The following NSD1 variants were observed in gnomAD, a reference collection of about 807,000 sequenced individuals.
NSD1 encodes the protein nuclear receptor binding SET domain protein 1.
In NSD1, 26 loss-of-function variants were observed where a neutral mutation model predicts 242.7. That is an observed-to-expected ratio of 0.11 (90% CI 0.08 to 0.15). The LOEUF (loss-of-function observed/expected upper bound fraction) is 0.15, where lower values mean the gene tolerates loss of function less well. Among genes scored for constraint, NSD1 ranks in the 10% least tolerant of loss-of-function variants. The pLI is 1.00. For missense variants in NSD1, 2,495 were observed against 3,272.8 expected, an observed-to-expected ratio of 0.76 and a Z score of 5.80; for synonymous variants, 1,106 against 1,178.1, an observed-to-expected ratio of 0.94 and a Z score of 1.25.
chr5:177,253,562 A>C (rs560223382), intron 12 of NSD1, among the ~76,000 whole-genome samples: 1 of 152,074 alleles, frequency 6.6e-6, no homozygotes, highest in Non-Finnish European at 1.5e-5. Flanking sequence ...GGTTATTATA[A>C]ATAAAGCTGC....
At chr5:177,291,856 C>A in intron 21 of NSD1, 98 bp from the exon 22 acceptor site, 1 of 1,112,540 alleles carries the variant, frequency 9.0e-7, no homozygotes, top group Non-Finnish European at 1.3e-6. Flanking sequence ...ATCTCTTTTC[C>A]CAGAGAAGAG....
intron 17 of NSD1, among the ~76,000 whole-genome samples, chr5:177,278,878 A>C (rs1056459941): frequency 6.6e-6 from 1 of 152,194 alleles, no homozygotes; most frequent in African/African-American, 2.4e-5. Flanking sequence ...ATTGTACTGG[A>C]ACATCTATTG....
chr5:177,160,614 C>T (rs2149788646), intron 2 of NSD1, among the ~76,000 whole-genome samples: 1 of 152,076 alleles, frequency 6.6e-6, no homozygotes, highest in South Asian at 2.1e-4. Context: ...GCAATTACTT[C>T]TTAAGTTCTC....
At chr5:177,275,111 TAA>T (rs1024329744) in intron 17 of NSD1, among the ~76,000 whole-genome samples, 1 of 151,156 alleles carries the variant, frequency 6.6e-6, no homozygotes, top group Non-Finnish European at 1.5e-5. Context: ...CTAGTATGTT[TAA>T]GTTTGTCTCA....
intron 17 of NSD1, 117 bp from the exon 18 acceptor site, chr5:177,280,448 T>A: frequency 8.7e-7 from 1 of 1,149,048 alleles, no homozygotes; most frequent in Non-Finnish European, 1.3e-6. Context: ...GTGTTGATAG[T>A]TCAAAATCAT....
At chr5:177,162,195 G>T (rs1010356570) in intron 2 of NSD1, among the ~76,000 whole-genome samples, 1 of 151,878 alleles carries the variant, frequency 6.6e-6, no homozygotes, top group Admixed American at 6.6e-5. Context: ...CTACTCGGGA[G>T]GCTGAGGCAT....
intron 21 of NSD1, among the ~76,000 whole-genome samples, chr5:177,290,797 TGTTTA>T (rs1193350469): frequency 1.3e-5 from 2 of 152,242 alleles, no homozygotes; most frequent in Non-Finnish European, 2.9e-5. Context: ...TTGTGCTTTT[TGTTTA>T]GTTTTGTTGG....
At chr5:177,288,547 A>C (rs1759523143) in intron 20 of NSD1, 1 of 387,674 alleles carries the variant, frequency 2.6e-6, no homozygotes, top group Non-Finnish European at 4.8e-6. Flanking sequence ...CTGAATGGTT[A>C]ATAAACAAAT....
chr5:177,296,325 C>T lies in NSD1; in HGVS notation c.*866C>T, dbSNP rs986247073. The T allele has an allele frequency of 1.3e-5, 3 of 233,410 alleles. No individual in the cohort carries two copies. Among genetic ancestry groups the T allele is most frequent in the East Asian group, 6.0e-5 (1 of 16,616 alleles). The allele number at this position is 233,410 out of a possible 1,614,324, so 14.5% of individuals were successfully genotyped here. A position where few individuals can be genotyped will look rare whatever the true frequency, so the allele number is the denominator to read the frequency against. On this transcript the variant is annotated 3_prime_UTR_variant, in exon 23 of 23. Transcript: ENST00000439151. ...GTAGATTTCCAGCAGTGGAAGAAGG[C>T]ATTTGGCAAGCTTCTCTTTCTTTGC...
chr5:177,198,411 C>T (rs974306442), intron 3 of NSD1, among the ~76,000 whole-genome samples: 11 of 152,150 alleles, frequency 7.2e-5, no homozygotes, highest in Non-Finnish European at 1.5e-5. Flanking sequence ...GTCTTCCTGA[C>T]TTGTAGATAA....
intron 17 of NSD1, among the ~76,000 whole-genome samples, chr5:177,274,756 T>TG (rs1562285746): frequency 6.6e-6 from 1 of 151,612 alleles, no homozygotes; most frequent in African/African-American, 2.4e-5. Flanking sequence ...GTTTTTGAGA[T>TG]GGAGTCTCCC....
At chr5:177,266,419 A>C in intron 14 of NSD1, 1 of 628,830 alleles carries the variant, frequency 1.6e-6, no homozygotes, top group Non-Finnish European at 3.0e-6. Context: ...ATCCAGCACC[A>C]CCTTGTCTTT....
chr5:177,266,392 CT>C, intron 14 of NSD1: 1 of 661,224 alleles, frequency 1.5e-6, no homozygotes, highest in Non-Finnish European at 2.8e-6. Flanking sequence ...GCAGAGGATG[CT>C]TGTGTCCGAG....
intron 13 of NSD1, among the ~76,000 whole-genome samples, chr5:177,258,318 C>G (rs1048173949): frequency 2.0e-5 from 3 of 151,674 alleles, no homozygotes; most frequent in Non-Finnish European, 4.4e-5. Context: ...TGATATCATT[C>G]AGAAATGCAT....
Position 177,209,880 on chromosome 5 carries a change from G to A in NSD1, c.1481G>A (p.Cys494Tyr), listed in dbSNP as rs369096538. The A allele has an allele frequency of 6.2e-7, 1 of 1,614,126 alleles. No homozygotes were observed. Among genetic ancestry groups the A allele is most frequent in the Admixed American group, 1.7e-5 (1 of 60,012 alleles). ...TCTGCAGATGAGAAGGAAAAGCCTT[G>A]CGCTAAATCTCGAGCCAGAAAGAGC... ...EHSADEKEKP[C>Y]AKSRARKSSD... The change falls in exon 5 of 23, where the codon TGC (cysteine) becomes TAC (tyrosine). Residue 494 changes from cysteine (C) to tyrosine (Y), a missense_variant. Around this residue, in one of 19 missense-constraint regions of NSD1, gnomAD observed 515 missense variants for 467.0 expected, o/e 1.10. Coordinates refer to ENST00000439151, the MANE Select transcript of NSD1 (RefSeq NM_022455.5).
At chr5:177,291,608 G>A (rs750001604) in intron 21 of NSD1, among the ~76,000 whole-genome samples, 4 of 152,236 alleles carry the variant, frequency 2.6e-5, no homozygotes, top group South Asian at 2.1e-4. Context: ...AGCCGAGATC[G>A]CGCCACTGCA....
intron 4 of NSD1, 126 bp downstream of exon 4, chr5:177,204,418 A>G (rs1260692716): frequency 4.6e-6 from 4 of 870,670 alleles, no homozygotes; most frequent in East Asian, 2.8e-5. Flanking sequence ...CAGTGGTGCA[A>G]TCTTTGTTCA....
intron 3 of NSD1, among the ~76,000 whole-genome samples, chr5:177,197,900 T>G (rs957199043): frequency 3.3e-5 from 5 of 152,292 alleles, no homozygotes; most frequent in Admixed American, 2.0e-4. Context: ...GAAGTTAGAT[T>G]GGACTGATTT....
chr5:177,199,614 T>TTCTTTTCTTTTCTTTTCTTTTCTTTTC (rs1762362775), intron 3 of NSD1, among the ~76,000 whole-genome samples: 1 of 148,864 alleles, frequency 6.7e-6, no homozygotes, highest in Non-Finnish European at 1.5e-5. Flanking sequence ...CTTTTCTTTT[T>TTCTTTTCTTTTCTTTTCTTTTCTTTTC]TTTTGAGATG....
Sources: gnomAD v4.1 joint callset for allele counts (sites outside exome capture counted in the v4.1 genomes callset) on GRCh38, gnomAD v4.1.1 for gene constraint, gnomAD v4.1.1 regional missense constraint, MANE v1.5 for transcripts, NCBI Gene and HGNC (gene_info 2026-07-23, HGNC 2026-07-21) for gene names.